Variants in TAF4B observed in about 807,000 individuals in gnomAD.
TAF4B encodes the protein TATA-box binding protein associated factor 4b, also known as transcription initiation factor TFIID subunit 4B.
TAF4B carries 38 observed loss-of-function variants against 86.4 expected under a neutral mutation model. The ratio of observed to expected loss-of-function variants is 0.44; its 90% CI spans 0.34 to 0.58. The LOEUF (loss-of-function observed/expected upper bound fraction) is 0.58. Among genes scored for constraint, TAF4B ranks in the 20% least tolerant of loss-of-function variants. TAF4B has a pLI of 0.02. For missense variants in TAF4B, 988 were observed against 1,027.6 expected (o/e 0.96, Z 0.53); for synonymous variants, 388 against 391.2 (o/e 0.99, Z 0.10).
chr18:26,228,773 C>T (rs1195813735), intron 1 of TAF4B, among the ~76,000 whole-genome samples: 2 of 152,068 alleles, frequency 1.3e-5, no homozygotes, highest in Non-Finnish European at 2.9e-5. Context: ...CCTCCCCATC[C>T]CTCCCCAACC....
chr18:26,337,868 T>C (rs938498489), intron 13 of TAF4B, among the ~76,000 whole-genome samples: 6 of 152,202 alleles, frequency 3.9e-5, no homozygotes, highest in South Asian at 2.1e-4. Context: ...TGAGAAGTTT[T>C]CTTTGTTCAC....
chr18:26,306,202 T>C (rs368423449), intron 9 of TAF4B, among the ~76,000 whole-genome samples: 1 of 152,170 alleles, frequency 6.6e-6, no homozygotes, highest in Admixed American at 6.5e-5. Flanking sequence ...TTTTGGGGGG[T>C]ACATAGGCGT....
chr18:26,286,366 CTGT>C lies in TAF4B; in HGVS notation c.1462_1464del (p.Val488del). On this transcript the variant is annotated inframe_deletion, in exon 7 of 15. Transcript: ENST00000269142. Reference sequence around the variant, plus strand: ...GCTATTTGTCTTCCATCTGTGAAACCTGTTGTTTCTTCTGCTGGGACCACATCT... The same window carrying C: ...GCTATTTGTCTTCCATCTGTGAAACCTGTTTCTTCTGCTGGGACCACATCT... 1 of 1,614,182 alleles carries C rather than the reference CTGT, an allele frequency of 6.2e-7. No individual in the cohort carries two copies. The highest frequency in any genetic ancestry group is 8.5e-7 in the Non-Finnish European group (1 of 1,180,036).
chr18:26,267,892 G>A (rs1287353947), intron 3 of TAF4B, among the ~76,000 whole-genome samples: 1 of 152,140 alleles, frequency 6.6e-6, no homozygotes, highest in Non-Finnish European at 1.5e-5. Context: ...CTGGAAGCAG[G>A]TTCTGAGATA....
chr18:26,291,113 A>G (rs68013243), intron 7 of TAF4B, among the ~76,000 whole-genome samples: 31,616 of 152,212 alleles, frequency 0.21, 4,153 homozygotes, highest in Non-Finnish European at 0.3. Context: ...AGTAATACAC[A>G]TAAGTTGAAT....
At position 26,265,149 on chromosome 18, in the gene TAF4B, T is replaced by A. The variant is rs2056220849; in HGVS notation, c.344-21T>A. ...GTATTTAGTGGCTCAGAGGTCACTT[T>A]TTTTTCTTTTTTAAATATAGGAACC... On this transcript the variant is annotated intron_variant, in intron 1 of 14. Transcript: ENST00000269142. 1.9e-6 allele frequency: 3 copies of A among 1,601,326 alleles called. No individual in the cohort carries two copies. The Admixed American group carries it at 5.3e-5, about 28-fold the overall frequency.
At chr18:26,328,159 C>T (rs2057020368) in intron 12 of TAF4B, among the ~76,000 whole-genome samples, 1 of 152,088 alleles carries the variant, frequency 6.6e-6, no homozygotes, top group Non-Finnish European at 1.5e-5. Context: ...TAAAAACTAA[C>T]GTATTTTGAG....
chr18:26,355,202 A>G (rs77973012), intron 13 of TAF4B, among the ~76,000 whole-genome samples: 1 of 152,302 alleles, frequency 6.6e-6, no homozygotes, highest in Admixed American at 6.5e-5. Flanking sequence ...GATATTTAGG[A>G]CTCACTTATT....
At chr18:26,346,169 G>A (rs1791760) in intron 13 of TAF4B, among the ~76,000 whole-genome samples, 140,169 of 152,176 alleles carry the variant, frequency 0.92, 65,010 homozygotes, top group East Asian at 0.99. Context: ...GATAGATATC[G>A]TAATAAAGAA....
At chr18:26,331,019 C>A (rs1254875666) in intron 12 of TAF4B, among the ~76,000 whole-genome samples, 1 of 152,102 alleles carries the variant, frequency 6.6e-6, no homozygotes, top group Non-Finnish European at 1.5e-5. Context: ...CTGGCCTATA[C>A]CTTCACATGC....
rs200210902 is a variant in TAF4B, at chr18:26,315,365, A to G, written c.1969A>G (p.Ile657Val). The G allele has an allele frequency of 2.4e-5, 38 of 1,613,282 alleles. No homozygotes were observed. The highest frequency in any genetic ancestry group is 6.7e-5 in the East Asian group (3 of 44,840). The change falls in exon 10 of 15, where the codon ATT becomes GTT. Residue 657 changes from isoleucine to valine, a missense_variant. Ile to Val is a conservative substitution (Grantham distance 29). This residue lies in a region of TAF4B where 216 missense variants were observed against 238.4 expected (regional missense o/e 0.91). Transcript: ENST00000269142. ...ATGTAAAGATGAACCATTTCTTTTTATTGGAGCTCTACAAAAGAGAATTTT... is the reference window on the plus strand; with the variant it reads ...ATGTAAAGATGAACCATTTCTTTTTGTTGGAGCTCTACAAAAGAGAATTTT... ...QSCKDEPFLF[I>V]GALQKRILDI...
chr18:26,277,434 C>T (rs1429247231), intron 5 of TAF4B, among the ~76,000 whole-genome samples: 2 of 152,102 alleles, frequency 1.3e-5, no homozygotes, highest in Admixed American at 1.3e-4. Flanking sequence ...ACACAACTGA[C>T]ATTTAAGTGA....
chr18:26,391,621 C>G lies in TAF4B; in HGVS notation c.*1609C>G, dbSNP rs1338615288. The G allele has an allele frequency of 1.3e-5, 2 of 152,118 alleles. No homozygotes were observed. Among genetic ancestry groups the G allele is most frequent in the Non-Finnish European group, 2.9e-5 (2 of 68,022 alleles). The allele number at this position is 152,118 out of a possible 1,614,324, so 9.4% of individuals were successfully genotyped here. A position where few individuals can be genotyped will look rare whatever the true frequency, so the allele number is the denominator to read the frequency against. On this transcript the variant is annotated 3_prime_UTR_variant, in exon 15 of 15. Coordinates refer to ENST00000269142, the MANE Select transcript of TAF4B (RefSeq NM_005640.3). ...TGCAGCATACTCATTTGTGTATAAT[C>G]TTACTGATCAGATGTTTAAAATTAT...
chr18:26,263,177 C>A (rs1014159307), intron 1 of TAF4B, among the ~76,000 whole-genome samples: 2 of 152,088 alleles, frequency 1.3e-5, no homozygotes. Flanking sequence ...TAGTCTCAAA[C>A]CCCAGGTCTC....
At chr18:26,239,664 T>A (rs1277078820) in intron 1 of TAF4B, among the ~76,000 whole-genome samples, 2 of 152,242 alleles carry the variant, frequency 1.3e-5, no homozygotes, top group African/African-American at 4.8e-5. Flanking sequence ...TCCTTGCCCA[T>A]GCCTATGTCC....
In TAF4B at chr18:26,265,230, T is replaced by C; in HGVS notation, c.404T>C (p.Val135Ala). 5.0e-6 allele frequency: 8 copies of C among 1,614,096 alleles called. No individual in the cohort carries two copies. Among genetic ancestry groups the C allele is most frequent in the South Asian group, 1.1e-5 (1 of 91,064 alleles). The change falls in exon 2 of 15, where the codon GTA (valine) becomes GCA (alanine). Residue 135 changes from valine to alanine, a missense_variant. Physicochemically the swap from Val to Ala is moderately conservative, Grantham distance 64 (BLOSUM62 0). Coordinates refer to ENST00000269142, the MANE Select transcript of TAF4B (RefSeq NM_005640.3). Reference sequence around the variant, plus strand: ...ATGTTGGTATCTCCTCAGCAAACTGTAACAAGAGCCGAGACCACAAGTAAC... The same window carrying C: ...ATGTTGGTATCTCCTCAGCAAACTGCAACAAGAGCCGAGACCACAAGTAAC... ...PLMLVSPQQT[V>A]TRAETTSNIT...
At chr18:26,299,633 A>G (rs1285735214) in intron 9 of TAF4B, among the ~76,000 whole-genome samples, 2 of 152,182 alleles carry the variant, frequency 1.3e-5, no homozygotes, top group South Asian at 2.1e-4. Context: ...TGAATTTACC[A>G]TTGAAACTAG....
intron 9 of TAF4B, chr18:26,295,257 T>C (rs2056648521): frequency 7.8e-6 from 3 of 384,298 alleles, no homozygotes; most frequent in South Asian, 2.0e-5. Context: ...TCGTGTTCTG[T>C]CATCTCTTGG....
At chr18:26,346,759 G>GTGTGTATATATATATATATATA (rs1202008455) in intron 13 of TAF4B, among the ~76,000 whole-genome samples, 3 of 27,142 alleles carry the variant, frequency 1.1e-4, no homozygotes, top group East Asian at 2.0e-3. Context: ...ATATATGTGT[G>GTGTGTATATATATATATATATA]TATATATATA....
Sources: gnomAD v4.1 joint callset for allele counts (sites outside exome capture counted in the v4.1 genomes callset) on GRCh38, gnomAD v4.1.1 for gene constraint, gnomAD v4.1.1 regional missense constraint, MANE v1.5 for transcripts, NCBI Gene and HGNC (gene_info 2026-07-23, HGNC 2026-07-21) for gene names.